Variants in MAGI1 observed in about 807,000 individuals in gnomAD.
MAGI1 encodes membrane associated guanylate kinase, WW and PDZ domain containing 1.
MAGI1 carries 58 observed loss-of-function variants against 139.9 expected under a neutral mutation model. The observed-to-expected ratio is 0.41, with a 90% CI of 0.34 to 0.52. MAGI1 has a LOEUF of 0.52. Among genes scored for constraint, MAGI1 ranks in the 20% least tolerant of loss-of-function variants. The pLI, the probability that MAGI1 is intolerant of heterozygous loss-of-function variation, is 0.12. For missense variants in MAGI1, 1,874 were observed against 1,901.6 expected (o/e 0.99, Z 0.27); for synonymous variants, 812 against 737.9 (o/e 1.10, Z -1.63).
chr3:65,766,929 G>T (rs1459205757), intron 1 of MAGI1, among the ~76,000 whole-genome samples: 1 of 152,112 alleles, frequency 6.6e-6, no homozygotes, highest in African/African-American at 2.4e-5. Flanking sequence ...AAGCACACTA[G>T]CCTGAGGATA....
At chr3:65,663,421 A>G (rs745642242) in intron 1 of MAGI1, among the ~76,000 whole-genome samples, 1 of 152,192 alleles carries the variant, frequency 6.6e-6, no homozygotes, top group Non-Finnish European at 1.5e-5. Context: ...GGCACTGCTT[A>G]TATTATTTTT....
intron 1 of MAGI1, among the ~76,000 whole-genome samples, chr3:65,778,728 C>A (rs2038684599): frequency 6.6e-6 from 1 of 152,182 alleles, no homozygotes; most frequent in Non-Finnish European, 1.5e-5. Flanking sequence ...ATTTGCCAAA[C>A]AGAAAAATAC....
intron 1 of MAGI1, among the ~76,000 whole-genome samples, chr3:65,781,457 G>A (rs2038925161): frequency 6.6e-6 from 1 of 152,140 alleles, no homozygotes; most frequent in Non-Finnish European, 1.5e-5. Flanking sequence ...GAGTACATGT[G>A]CAGGATGTAC....
intron 1 of MAGI1, among the ~76,000 whole-genome samples, chr3:65,909,148 T>C (rs1044067197): frequency 2.6e-5 from 4 of 152,080 alleles, no homozygotes; most frequent in African/African-American, 9.7e-5. Flanking sequence ...CAAAATGTAC[T>C]CAAGTATATA....
intron 1 of MAGI1, among the ~76,000 whole-genome samples, chr3:65,764,305 G>A (rs2037295121): frequency 6.6e-6 from 1 of 151,760 alleles, no homozygotes; most frequent in Non-Finnish European, 1.5e-5. Flanking sequence ...TGTAAAGCAA[G>A]CCAGCATGAT....
At chr3:65,593,346 A>G (rs1035906212) in intron 2 of MAGI1, among the ~76,000 whole-genome samples, 4 of 152,188 alleles carry the variant, frequency 2.6e-5, no homozygotes, top group African/African-American at 7.2e-5. Flanking sequence ...TATTGTGGCA[A>G]AGAAATATAC....
At chr3:65,661,053 A>C (rs17367893) in intron 1 of MAGI1, among the ~76,000 whole-genome samples, 162 of 152,304 alleles carry the variant, frequency 1.1e-3, no homozygotes, top group African/African-American at 3.5e-3. Context: ...AGGACACAGA[A>C]CCATCTTTCC....
chr3:65,410,012 C>G (rs1034540360), intron 12 of MAGI1, among the ~76,000 whole-genome samples: 4 of 152,198 alleles, frequency 2.6e-5, no homozygotes, highest in Non-Finnish European at 5.9e-5. Context: ...GCTGGTGATT[C>G]CTGATGGCTT....
At chr3:65,492,490 T>A (rs1449189782) in intron 3 of MAGI1, among the ~76,000 whole-genome samples, 1 of 152,254 alleles carries the variant, frequency 6.6e-6, no homozygotes, top group African/African-American at 2.4e-5. Flanking sequence ...GGAATTATAA[T>A]TTTTATAATT....
chr3:65,988,679 G>A (rs2066009181), intron 1 of MAGI1, among the ~76,000 whole-genome samples: 1 of 152,172 alleles, frequency 6.6e-6, no homozygotes, highest in Non-Finnish European at 1.5e-5. Flanking sequence ...ACTAAGATGA[G>A]CCCAGCTGTC....
intron 15 of MAGI1, 102 bp from the exon 16 acceptor site, chr3:65,382,171 C>T: frequency 5.1e-6 from 5 of 989,720 alleles, no homozygotes; most frequent in Non-Finnish European, 7.5e-6. Context: ...TTCATGTCTG[C>T]AGGCATGCCG....
chr3:65,730,891 C>G (rs979526740), intron 1 of MAGI1, among the ~76,000 whole-genome samples: 1 of 149,806 alleles, frequency 6.7e-6, no homozygotes, highest in African/African-American at 2.5e-5. Flanking sequence ...CTAACTCTCC[C>G]CACCCCCCCG....
intron 2 of MAGI1, among the ~76,000 whole-genome samples, chr3:65,564,933 G>T (rs984625874): frequency 2.0e-5 from 3 of 152,124 alleles, no homozygotes; most frequent in Non-Finnish European, 4.4e-5. Context: ...TGAGCCAGTG[G>T]GGGCTCCATC....
intron 1 of MAGI1, among the ~76,000 whole-genome samples, chr3:65,859,104 G>A (rs1314426203): frequency 2.0e-5 from 3 of 152,142 alleles, no homozygotes; most frequent in Non-Finnish European, 4.4e-5. Context: ...AGGCTGAGGT[G>A]TGCAGATCAC....
intron 2 of MAGI1, among the ~76,000 whole-genome samples, chr3:65,527,378 G>A (rs2078434495): frequency 6.6e-6 from 1 of 152,192 alleles, no homozygotes; most frequent in African/African-American, 2.4e-5. Flanking sequence ...TTAGGAGTTG[G>A]AGACCAACCT....
intron 6 of MAGI1, among the ~76,000 whole-genome samples, chr3:65,452,050 T>G (rs2107491337): frequency 6.6e-6 from 1 of 151,942 alleles, no homozygotes; most frequent in African/African-American, 2.4e-5. Flanking sequence ...GTCTATTATC[T>G]CCCAAGCATG....
chr3:65,607,352 A>G (rs1175498821), intron 2 of MAGI1, among the ~76,000 whole-genome samples: 2 of 152,008 alleles, frequency 1.3e-5, no homozygotes, highest in African/African-American at 4.8e-5. Context: ...GCAACTTTCC[A>G]ACAGGCAACA....
intron 1 of MAGI1, among the ~76,000 whole-genome samples, chr3:65,872,026 C>G (rs2059956588): frequency 1.3e-5 from 2 of 152,206 alleles, no homozygotes; most frequent in Non-Finnish European, 2.9e-5. Context: ...TCTCGCTCTA[C>G]TAACCAGTTG....
chr3:65,962,122 A>ATTTTT (rs567359350), intron 1 of MAGI1, among the ~76,000 whole-genome samples: 2 of 122,524 alleles, frequency 1.6e-5, no homozygotes, highest in African/African-American at 3.1e-5. Flanking sequence ...ATCTGATTGT[A>ATTTTT]TTTTTTTTTT....
Sources: gnomAD v4.1 joint callset for allele counts (sites outside exome capture counted in the v4.1 genomes callset) on GRCh38, gnomAD v4.1.1 for gene constraint, MANE v1.5 for transcripts, NCBI Gene and HGNC (gene_info 2026-07-23, HGNC 2026-07-21) for gene names.